The following EYA2 variants were observed in gnomAD, a reference collection of about 807,000 sequenced individuals.
EYA2 encodes the protein protein phosphatase EYA2.
In EYA2, 31 loss-of-function variants were observed where a neutral mutation model predicts 69.2. The observed-to-expected ratio is 0.45, with a 90% CI of 0.34 to 0.60. The LOEUF (loss-of-function observed/expected upper bound fraction) is 0.60. Among genes scored for constraint, EYA2 ranks in the 20% least tolerant of loss-of-function variants. The probability of loss-of-function intolerance (pLI) is 0.02; values close to 1 mark genes in which losing one functional copy is unlikely to be tolerated. For synonymous variants in EYA2, 257 were observed against 279.4 expected, an observed-to-expected ratio of 0.92 and a Z score of 0.80; for missense variants, 622 against 701.2, an observed-to-expected ratio of 0.89 and a Z score of 1.28.
intron 9 of EYA2, among the ~76,000 whole-genome samples, chr20:47,120,274 G>A (rs946989179): frequency 6.6e-6 from 1 of 152,064 alleles, no homozygotes; most frequent in African/African-American, 2.4e-5. Flanking sequence ...TACTCAGGAG[G>A]CTGAGGTGGG....
At chr20:46,988,150 A>G (rs1981415418) in intron 1 of EYA2, among the ~76,000 whole-genome samples, 1 of 141,512 alleles carries the variant, frequency 7.1e-6, no homozygotes, top group South Asian at 2.2e-4. Context: ...TTATATGCAA[A>G]TACTCTACCA....
intron 6 of EYA2, 134 bp from the exon 7 acceptor site, chr20:47,074,024 A>C: frequency 1.1e-6 from 1 of 870,324 alleles, no homozygotes; most frequent in Non-Finnish European, 1.6e-6. Context: ...GCTTCTGGGA[A>C]ACCAAAATGA....
In EYA2 at chr20:47,112,862, C is replaced by CTTTTTTTTTTTTT. The variant is rs11473217; in HGVS notation, c.888+15709_888+15721dup. Among the ~76,000 whole-genome samples the CTTTTTTTTTTTTT allele has an allele frequency of 9.5e-3, 529 of 55,820 alleles. 116 individuals carry two copies. The highest frequency in any genetic ancestry group is 0.014 in the Non-Finnish European group (410 of 28,310). 36.6% of individuals were successfully genotyped at this position (55,820 alleles called of 152,430 possible). On this transcript the variant is annotated intron_variant, in intron 9 of 15. Transcript: ENST00000327619. ...CAAAAGTTAGATTTCATGTTCACTC[C>CTTTTTTTTTTTTT]TTTTTTTTTTTTTTTTTTTTTTTTT...
intron 1 of EYA2, among the ~76,000 whole-genome samples, chr20:46,906,282 G>T (rs1984353170): frequency 6.6e-6 from 1 of 152,214 alleles, no homozygotes; most frequent in South Asian, 2.1e-4. Flanking sequence ...AGCTTTCCCT[G>T]TGATCTATTC....
intron 10 of EYA2, among the ~76,000 whole-genome samples, chr20:47,166,479 G>T (rs1227547766): frequency 3.1e-5 from 4 of 127,514 alleles, no homozygotes; most frequent in Non-Finnish European, 4.8e-5. Flanking sequence ...TCAAAATGTT[G>T]CAAATACCCT....
At position 47,031,645 on chromosome 20, in the gene EYA2, C is replaced by T. The variant is rs910519322; in HGVS notation, c.415+15348C>T. The stretch of plus-strand genomic sequence containing the variant: ...CCCAGAGGAATGAAGGCCCAGAGCA[C>T]GGCTTTGATGACGTTGCTTTTGTGT... On this transcript the variant is annotated intron_variant, in intron 5 of 15. Coordinates refer to ENST00000327619, the MANE Select transcript of EYA2 (RefSeq NM_005244.5). Among the ~76,000 whole-genome samples, 3 of 152,338 alleles carry T rather than the reference C, an allele frequency of 2.0e-5. No individual in the cohort carries two copies. In the South Asian group the frequency reaches 6.2e-4, roughly 32 times the overall value.
intron 1 of EYA2, chr20:46,901,054 A>T (rs143205739): frequency 1.3e-5 from 2 of 152,318 alleles, no homozygotes; most frequent in East Asian, 3.9e-4. Flanking sequence ...GTGGACACAG[A>T]AAGCGGGTTT....
intron 9 of EYA2, among the ~76,000 whole-genome samples, chr20:47,110,423 T>C (rs908993954): frequency 6.6e-6 from 1 of 152,064 alleles, no homozygotes; most frequent in Non-Finnish European, 1.5e-5. Context: ...TTATGTTTTT[T>C]TGTGAGACAG....
intron 9 of EYA2, among the ~76,000 whole-genome samples, chr20:47,142,728 GC>G (rs1299613508): frequency 6.6e-6 from 1 of 152,220 alleles, no homozygotes; most frequent in East Asian, 1.9e-4. Flanking sequence ...ACATGCATTT[GC>G]CAGGAGGCCC....
At chr20:47,160,457 G>A (rs1329070310) in intron 10 of EYA2, among the ~76,000 whole-genome samples, 1 of 152,128 alleles carries the variant, frequency 6.6e-6, no homozygotes, top group Non-Finnish European at 1.5e-5. Flanking sequence ...TCTGATCTAG[G>A]TGGGAGATGA....
At chr20:47,074,427 C>T in intron 7 of EYA2, 92 bp downstream of exon 7, 1 of 1,351,024 alleles carries the variant, frequency 7.4e-7, no homozygotes. Context: ...TTGTAACAAA[C>T]AGGTTACCCA....
At chr20:47,171,529 A>G (rs2034322428) in intron 11 of EYA2, among the ~76,000 whole-genome samples, 1 of 152,154 alleles carries the variant, frequency 6.6e-6, no homozygotes, top group Non-Finnish European at 1.5e-5. Flanking sequence ...ACCCTAGGAG[A>G]GAGAGATGCT....
intron 1 of EYA2, among the ~76,000 whole-genome samples, chr20:46,926,834 G>C (rs1441450227): frequency 1.3e-5 from 2 of 152,192 alleles, no homozygotes; most frequent in Admixed American, 6.5e-5. Flanking sequence ...CTTGGGTGTG[G>C]GAGCAGAGTT....
chr20:46,957,578 C>CAA (rs576647103), intron 1 of EYA2, among the ~76,000 whole-genome samples: 9,940 of 66,542 alleles, frequency 0.15, 740 homozygotes, highest in African/African-American at 0.2. Context: ...CACACACACA[C>CAA]GAAGACAATG....
intron 1 of EYA2, among the ~76,000 whole-genome samples, chr20:46,918,245 C>A (rs1985009778): frequency 6.6e-6 from 1 of 152,020 alleles, no homozygotes. Flanking sequence ...GGCGTGAACC[C>A]AGGAGGCGGA....
intron 9 of EYA2, among the ~76,000 whole-genome samples, chr20:47,128,158 G>A (rs988249904): frequency 7.9e-5 from 12 of 152,326 alleles, no homozygotes; most frequent in Middle Eastern, 3.4e-3. Context: ...TTCCAATCGC[G>A]GCCAAGGTGT....
intron 5 of EYA2, among the ~76,000 whole-genome samples, chr20:47,061,521 C>A (rs1166333097): frequency 6.6e-6 from 1 of 151,860 alleles, no homozygotes; most frequent in Non-Finnish European, 1.5e-5. Flanking sequence ...CAGAGGGAGA[C>A]CCTGTCTCAA....
At chr20:47,071,451 C>G (rs1191987062) in intron 5 of EYA2, among the ~76,000 whole-genome samples, 1 of 152,102 alleles carries the variant, frequency 6.6e-6, no homozygotes, top group Admixed American at 6.5e-5. Context: ...AATGGCACAG[C>G]CACTTTGGAA....
At chr20:47,162,822 AT>A (rs1269668281) in intron 10 of EYA2, among the ~76,000 whole-genome samples, 1 of 150,446 alleles carries the variant, frequency 6.6e-6, no homozygotes, top group African/African-American at 2.4e-5. Flanking sequence ...CCTGGCCCTC[AT>A]TTTTTTTAAT....
Sources: allele counts gnomAD v4.1 joint callset (sites outside exome capture counted in the v4.1 genomes callset), GRCh38; gene constraint gnomAD v4.1.1; transcripts MANE v1.5; gene names NCBI Gene and HGNC (gene_info 2026-07-23, HGNC 2026-07-21).